The following PTPRT variants were observed in gnomAD, a reference collection of about 807,000 sequenced individuals.
The protein encoded by PTPRT is protein tyrosine phosphatase receptor type T.
Under a neutral mutation model 176.8 loss-of-function variants are expected in PTPRT, and 56 were observed. The observed-to-expected ratio is 0.32, with a 90% CI of 0.26 to 0.40. The LOEUF is 0.40. PTPRT is among the 10% of genes least tolerant of loss of function. The pLI is 1.00. For synonymous variants in PTPRT, 783 were observed against 739.0 expected (o/e 1.06, Z -0.96); for missense variants, 1,540 against 1,908.2 (o/e 0.81, Z 3.60).
chr20:43,160,136 A>G (rs1422876478), intron 1 of PTPRT, among the ~76,000 whole-genome samples: 1 of 152,176 alleles, frequency 6.6e-6, no homozygotes, highest in Non-Finnish European at 1.5e-5. Flanking sequence ...CTTATGTGTG[A>G]GCAAGAAGCC....
intron 1 of PTPRT, among the ~76,000 whole-genome samples, chr20:42,936,563 A>T (rs1980206251): frequency 6.6e-6 from 1 of 152,182 alleles, no homozygotes; most frequent in Non-Finnish European, 1.5e-5. Context: ...ATAGCTTAAC[A>T]AGTCTCCTCT....
At chr20:42,863,616 A>T (rs1047757205) in intron 2 of PTPRT, among the ~76,000 whole-genome samples, 11 of 152,244 alleles carry the variant, frequency 7.2e-5, no homozygotes, top group African/African-American at 2.4e-4. Context: ...TTTCCTAAGT[A>T]AGATTAAAGT....
chr20:42,891,798 G>A (rs1443099386), intron 1 of PTPRT, among the ~76,000 whole-genome samples: 2 of 152,172 alleles, frequency 1.3e-5, no homozygotes, highest in South Asian at 4.1e-4. Context: ...AACTATGTAG[G>A]TGTATGTGTA....
At chr20:42,160,261 T>G (rs1989531576) in intron 17 of PTPRT, among the ~76,000 whole-genome samples, 1 of 152,092 alleles carries the variant, frequency 6.6e-6, no homozygotes, top group Non-Finnish European at 1.5e-5. Context: ...AAAGGAAAAG[T>G]GAAGAAAGAA....
intron 9 of PTPRT, among the ~76,000 whole-genome samples, chr20:42,419,009 A>G (rs1443183237): frequency 6.6e-6 from 1 of 152,246 alleles, no homozygotes; most frequent in African/African-American, 2.4e-5. Context: ...AACAGTTCCC[A>G]GCATATAATG....
intron 1 of PTPRT, among the ~76,000 whole-genome samples, chr20:43,045,325 G>A (rs1986787562): frequency 6.6e-6 from 1 of 152,120 alleles, no homozygotes; most frequent in Admixed American, 6.6e-5. Context: ...GCCTCCATGG[G>A]CGGATCAGAT....
rs1309422981 is a variant in PTPRT, at chr20:43,132,236, T to C, written c.88+57410A>G. Among the ~76,000 whole-genome samples the C allele has an allele frequency of 2.0e-5, 3 of 152,134 alleles. No individual in the cohort carries two copies. In the East Asian group the frequency reaches 5.8e-4, roughly 29 times the overall value. On this transcript the variant is annotated intron_variant, in intron 1 of 30. Coordinates refer to ENST00000373187, the MANE Select transcript of PTPRT (RefSeq NM_007050.6). ...AAAACTATCTTTACATGTAGATCCT[T>C]GTATATTTGAAGAAGAACCAACTAA...
chr20:42,292,956 G>A (rs2057339260), intron 12 of PTPRT, among the ~76,000 whole-genome samples: 1 of 152,198 alleles, frequency 6.6e-6, no homozygotes, highest in Admixed American at 6.5e-5. Flanking sequence ...GGATTCTGCA[G>A]ACCCTCAGTA....
intron 9 of PTPRT, among the ~76,000 whole-genome samples, chr20:42,378,100 G>A (rs1437278027): frequency 6.6e-6 from 1 of 152,190 alleles, no homozygotes; most frequent in African/African-American, 2.4e-5. Context: ...GAGCCAAACC[G>A]ACATTTGATG....
intron 25 of PTPRT, among the ~76,000 whole-genome samples, chr20:42,103,976 C>T (rs905085258): frequency 6.6e-6 from 1 of 152,138 alleles, no homozygotes; most frequent in Admixed American, 6.5e-5. Flanking sequence ...ATCAGTTGTC[C>T]CAAAGAAAAC....
chr20:42,616,296 T>C (rs1282911968), intron 7 of PTPRT, among the ~76,000 whole-genome samples: 1 of 123,010 alleles, frequency 8.1e-6, no homozygotes, highest in Non-Finnish European at 1.7e-5. Flanking sequence ...CATTGATCTA[T>C]ATCTCTGTTT....
chr20:42,049,142 C>A, the PTPRT span, among the ~76,000 whole-genome samples: 1 of 152,150 alleles, frequency 6.6e-6, no homozygotes, highest in African/African-American at 2.4e-5. Flanking sequence ...TGTTACTTAG[C>A]GAAGTATAAC....
intron 12 of PTPRT, among the ~76,000 whole-genome samples, chr20:42,283,890 C>T (rs527905997): frequency 6.6e-6 from 1 of 152,188 alleles, no homozygotes; most frequent in Admixed American, 6.5e-5. Context: ...TGGAAATGAT[C>T]ACTTCTATTA....
At chr20:42,225,008 T>C (rs1429625441) in intron 15 of PTPRT, among the ~76,000 whole-genome samples, 2 of 152,208 alleles carry the variant, frequency 1.3e-5, no homozygotes, top group African/African-American at 4.8e-5. Context: ...TACAGAGTCT[T>C]CTTGTATAAA....
At chr20:43,028,887 G>A (rs1986025987) in intron 1 of PTPRT, among the ~76,000 whole-genome samples, 1 of 152,210 alleles carries the variant, frequency 6.6e-6, no homozygotes, top group Admixed American at 6.5e-5. Flanking sequence ...GGCAGCGATG[G>A]AATGGGACAG....
intron 1 of PTPRT, among the ~76,000 whole-genome samples, chr20:42,965,134 GGAA>G (rs1385332185): frequency 1.3e-5 from 2 of 152,044 alleles, no homozygotes; most frequent in Non-Finnish European, 2.9e-5. Context: ...ATAACGCCAG[GGAA>G]GAAGACATCC....
In PTPRT at chr20:43,034,186, T is replaced by C. The variant is rs141227970; in HGVS notation, c.89-148254A>G. On this transcript the variant is annotated intron_variant, in intron 1 of 30. Coordinates refer to ENST00000373187, the MANE Select transcript of PTPRT (RefSeq NM_007050.6). ...CATCCAAGGAAGTCCCAGATGGGGG[T>C]ACACAAAAGTGATTTCCTCAGGCAG... Among the ~76,000 whole-genome samples the C allele has an allele frequency of 7.1e-4, 108 of 152,200 alleles. No homozygotes were observed. The Middle Eastern group carries it at 0.014, about 19-fold the overall frequency.
At chr20:42,299,239 TTTACATATTA>T (rs2145300629) in intron 12 of PTPRT, among the ~76,000 whole-genome samples, 1 of 152,214 alleles carries the variant, frequency 6.6e-6, no homozygotes, top group Admixed American at 6.5e-5. Flanking sequence ...GTTATAATGT[TTTACATATTA>T]AGAAATCAAC....
At chr20:42,340,245 G>A (rs1347966970) in intron 11 of PTPRT, among the ~76,000 whole-genome samples, 1 of 152,172 alleles carries the variant, frequency 6.6e-6, no homozygotes, top group African/African-American at 2.4e-5. Flanking sequence ...GTATTGGACA[G>A]TGTAAGTCTA....
Sources: gnomAD v4.1 joint callset for allele counts (sites outside exome capture counted in the v4.1 genomes callset) on GRCh38, gnomAD v4.1.1 for gene constraint, MANE v1.5 for transcripts, NCBI Gene and HGNC (gene_info 2026-07-23, HGNC 2026-07-21) for gene names.